EXOC2: variants seen among roughly 807,000 people sequenced by gnomAD.
EXOC2 encodes exocyst complex component 2.
A neutral mutation model predicts 131.8 loss-of-function variants in EXOC2; 70 were observed. The ratio of observed to expected loss-of-function variants is 0.53; its 90% CI spans 0.44 to 0.65. EXOC2 has a LOEUF of 0.65. Ranked by LOEUF, EXOC2 falls within the 30% of genes least tolerant of loss-of-function variation. EXOC2 has a pLI of 0.00. For synonymous variants in EXOC2, 411 were observed against 398.4 expected (o/e 1.03, Z -0.38); for missense variants, 923 against 1,108.6 (o/e 0.83, Z 2.38).
Position 561,391 on chromosome 6 carries a change from G to A in EXOC2, c.1851+1393C>T, listed in dbSNP as rs6914219. Among the ~76,000 whole-genome samples the A allele has an allele frequency of 5.8e-3, 888 of 152,206 alleles. 10 individuals are homozygous for A. The highest frequency in any genetic ancestry group is 0.02 in the African/African-American group (836 of 41,510). On this transcript the variant is annotated intron_variant, in intron 17 of 27. Coordinates refer to ENST00000230449, the MANE Select transcript of EXOC2 (RefSeq NM_018303.6). ...AGTCCTCAGATCTTGGTATATGAAG[G>A]GATCTGGAACCAGCCTTCGCTGAGG...
intron 23 of EXOC2, among the ~76,000 whole-genome samples, chr6:501,991 G>A (rs772244956): frequency 1.2e-4 from 19 of 152,004 alleles, no homozygotes; most frequent in Non-Finnish European, 1.6e-4. Flanking sequence ...CACACCCCCC[G>A]GTGTCCCCAG....
chr6:687,451 G>A (rs1764716088), intron 1 of EXOC2, among the ~76,000 whole-genome samples: 1 of 151,950 alleles, frequency 6.6e-6, no homozygotes, highest in African/African-American at 2.4e-5. Context: ...TCAAAGTGCT[G>A]GGATTACAGG....
At chr6:541,007 C>T (rs1766782151) in intron 22 of EXOC2, among the ~76,000 whole-genome samples, 1 of 152,214 alleles carries the variant, frequency 6.6e-6, no homozygotes, top group Admixed American at 6.5e-5. Context: ...TAATAGACAT[C>T]TGTGGAATGT....
At chr6:654,496 G>A (rs940246166) in intron 1 of EXOC2, among the ~76,000 whole-genome samples, 3 of 152,056 alleles carry the variant, frequency 2.0e-5, no homozygotes, top group African/African-American at 7.2e-5. Context: ...GAAGTAGCAG[G>A]AGAACTAAAA....
chr6:568,898 G>C (rs1758122210), intron 13 of EXOC2, among the ~76,000 whole-genome samples: 1 of 152,282 alleles, frequency 6.6e-6, no homozygotes, highest in South Asian at 2.1e-4. Flanking sequence ...GAGTGCATGA[G>C]GAAATGTACT....
chr6:665,986 C>T (rs968189589), intron 1 of EXOC2, among the ~76,000 whole-genome samples: 2 of 152,166 alleles, frequency 1.3e-5, no homozygotes, highest in African/African-American at 4.8e-5. Context: ...ATGTGGTCTG[C>T]TACCTATTCT....
At chr6:648,320 G>C (rs1471342899) in intron 1 of EXOC2, among the ~76,000 whole-genome samples, 1 of 152,064 alleles carries the variant, frequency 6.6e-6, no homozygotes, top group African/African-American at 2.4e-5. Context: ...TCTAATAAAA[G>C]AAATAATTTC....
At chr6:557,533 G>A (rs139998742) in intron 17 of EXOC2, among the ~76,000 whole-genome samples, 3 of 148,310 alleles carry the variant, frequency 2.0e-5, no homozygotes, top group East Asian at 2.0e-4. Context: ...CAGGAGAATC[G>A]CTTGAACCTA....
chr6:530,026 G>C (rs1192259937), intron 23 of EXOC2, among the ~76,000 whole-genome samples: 1 of 152,228 alleles, frequency 6.6e-6, no homozygotes. Context: ...CATTTTAATT[G>C]AAACGCAGCT....
intron 23 of EXOC2, among the ~76,000 whole-genome samples, chr6:527,483 C>T (rs962175863): frequency 5.3e-5 from 8 of 152,252 alleles, no homozygotes; most frequent in Non-Finnish European, 1.0e-4. Context: ...TTTTCTTTCT[C>T]TTCAATTTGT....
intron 1 of EXOC2, among the ~76,000 whole-genome samples, chr6:658,344 T>C (rs886836377): frequency 6.6e-6 from 1 of 152,142 alleles, no homozygotes; most frequent in East Asian, 1.9e-4. Flanking sequence ...CTCTCACAGA[T>C]ACTGCTCCAG....
intron 20 of EXOC2, 138 bp from the exon 21 acceptor site, chr6:554,058 G>C: frequency 1.8e-6 from 1 of 558,038 alleles, no homozygotes; most frequent in Non-Finnish European, 3.1e-6. Flanking sequence ...TTTTTTTTTT[G>C]AGATGAAGTC....
In EXOC2 at chr6:493,862, C is replaced by T. The variant is rs553644056; in HGVS notation, c.2560-2676G>A. The stretch of plus-strand genomic sequence containing the variant: ...GGCCAGTAGTTTCTGGACATGTGTA[C>T]GTGAAAAAATTTTCCAGCTAATTCT... On this transcript the variant is annotated intron_variant, in intron 25 of 27. Transcript: ENST00000230449. Among the ~76,000 whole-genome samples the T allele has an allele frequency of 3.9e-4, 59 of 152,278 alleles. 1 individual carries two copies. In the South Asian group the frequency reaches 0.011, roughly 27 times the overall value.
At position 513,461 on chromosome 6, in the gene EXOC2, G is replaced by A. The variant is rs185767179; in HGVS notation, c.2381-13761C>T. Among the ~76,000 whole-genome samples the A allele has an allele frequency of 2.8e-4, 42 of 152,290 alleles. 1 individual carries two copies. The highest frequency in any genetic ancestry group is 2.0e-4 in the Admixed American group (3 of 15,304). ...ATTTTTCTTTTCATTAATACAACCCGACCGTAGAGTACAAGAATATTAGTT... is the reference window on the plus strand; with the variant it reads ...ATTTTTCTTTTCATTAATACAACCCAACCGTAGAGTACAAGAATATTAGTT... On this transcript the variant is annotated intron_variant, in intron 23 of 27. Transcript: ENST00000230449.
At chr6:538,983 T>A (rs1381811958) in intron 22 of EXOC2, among the ~76,000 whole-genome samples, 1 of 151,504 alleles carries the variant, frequency 6.6e-6, no homozygotes, top group African/African-American at 2.4e-5. Context: ...GAGGCAGGAA[T>A]TGCTTGAACC....
chr6:598,199 G>T (rs1759927444), intron 9 of EXOC2, 76 bp from the exon 10 acceptor site: 8 of 1,246,968 alleles, frequency 6.4e-6, no homozygotes, highest in Non-Finnish European at 7.9e-6. Context: ...CAGAATAGTA[G>T]TTGCTTTTGT....
chr6:519,172 C>A (rs1207244769), intron 23 of EXOC2, among the ~76,000 whole-genome samples: 19 of 31,632 alleles, frequency 6.0e-4, no homozygotes, highest in South Asian at 1.5e-3. Flanking sequence ...ACGAGAACCA[C>A]CACCCACTGA....
intron 1 of EXOC2, among the ~76,000 whole-genome samples, chr6:661,311 A>G (rs1374318717): frequency 6.6e-6 from 1 of 152,218 alleles, no homozygotes; most frequent in East Asian, 1.9e-4. Context: ...ATTCATTGCA[A>G]AAAGATCATC....
chr6:543,091 C>G (rs1756647366), intron 22 of EXOC2, among the ~76,000 whole-genome samples: 1 of 152,114 alleles, frequency 6.6e-6, no homozygotes, highest in Non-Finnish European at 1.5e-5. Flanking sequence ...TCGGATGATG[C>G]AAAAGGGCTA....
Sources: allele counts gnomAD v4.1 joint callset (sites outside exome capture counted in the v4.1 genomes callset), GRCh38; gene constraint gnomAD v4.1.1; transcripts MANE v1.5; gene names NCBI Gene and HGNC (gene_info 2026-07-23, HGNC 2026-07-21).